GPHN: variants seen among roughly 807,000 people sequenced by gnomAD.
The protein encoded by GPHN is gephyrin.
In GPHN, 17 loss-of-function variants were observed where a neutral mutation model predicts 95.5. The observed-to-expected ratio is 0.18, with a 90% CI of 0.12 to 0.27. The LOEUF is 0.27. Among genes scored for constraint, GPHN ranks in the 10% least tolerant of loss-of-function variants. GPHN has a pLI of 1.00. For synonymous variants in GPHN, 320 were observed against 322.5 expected, an observed-to-expected ratio of 0.99 and a Z score of 0.08; for missense variants, 660 against 978.1, an observed-to-expected ratio of 0.67 and a Z score of 4.34.
At chr14:67,423,958 C>T in the GPHN span, among the ~76,000 whole-genome samples, 1 of 152,214 alleles carries the variant, frequency 6.6e-6, no homozygotes, top group African/African-American at 2.4e-5. Context: ...AGGGAGGAGG[C>T]TGGGTGCAGT....
At chr14:66,619,993 C>T (rs1029831385) in intron 1 of GPHN, among the ~76,000 whole-genome samples, 1 of 152,034 alleles carries the variant, frequency 6.6e-6, no homozygotes, top group Non-Finnish European at 1.5e-5. Flanking sequence ...AGGATTTGAT[C>T]GCCAGTGTTT....
At chr14:67,695,515 G>A in the GPHN span, 29 of 1,019,150 alleles carry the variant, frequency 2.8e-5, no homozygotes, top group Non-Finnish European at 4.1e-5. Flanking sequence ...TCTGGGCTCC[G>A]CCATCTTGGA....
intron 11 of GPHN, among the ~76,000 whole-genome samples, chr14:67,077,110 C>G (rs1288029929): frequency 6.6e-6 from 1 of 152,150 alleles, no homozygotes; most frequent in Non-Finnish European, 1.5e-5. Flanking sequence ...TAGACAGTCA[C>G]TGACTTGTGA....
intron 1 of GPHN, among the ~76,000 whole-genome samples, chr14:66,579,202 A>C (rs1471395349): frequency 6.6e-6 from 1 of 151,846 alleles, no homozygotes; most frequent in African/African-American, 2.4e-5. Context: ...GCTACAGTAG[A>C]TACATAGGAG....
chr14:67,300,241 A>G, the GPHN span, among the ~76,000 whole-genome samples: 3 of 152,120 alleles, frequency 2.0e-5, no homozygotes, highest in African/African-American at 7.2e-5. Context: ...TCCCAAAATT[A>G]TCATCTCTTG....
the GPHN span, among the ~76,000 whole-genome samples, chr14:67,359,359 A>G: frequency 3.9e-5 from 6 of 152,196 alleles, no homozygotes; most frequent in African/African-American, 1.4e-4. Context: ...TGCCCGGCTC[A>G]ATAAGGGTAT....
At chr14:66,700,650 A>G (rs72726500) in intron 2 of GPHN, among the ~76,000 whole-genome samples, 8,918 of 152,208 alleles carry the variant, frequency 0.059, 359 homozygotes, top group Middle Eastern at 0.099. Context: ...TTATGACCGG[A>G]TGCAGTGGCT....
rs1054977618 is a variant in GPHN, at chr14:66,508,175, G to T, written c.-353G>T. On this transcript the variant is annotated 5_prime_UTR_variant, in exon 1 of 23. Coordinates refer to ENST00000478722, the MANE Select transcript of GPHN (RefSeq NM_020806.5). ...TTCCTCTCAGTCCTGCCATCTAGCT[G>T]CCTTGGGTCTCGCGCTCCGCAGAGC... 2.1e-6 allele frequency: 1 copy of T among 480,038 alleles called. No individual in the cohort carries two copies. Among genetic ancestry groups the T allele is most frequent in the East Asian group, 3.8e-5 (1 of 26,176 alleles). The allele number at this position is 480,038 out of a possible 1,614,324, so 29.7% of individuals were successfully genotyped here.
chr14:67,093,748 C>G (rs1706371166), intron 12 of GPHN, among the ~76,000 whole-genome samples: 1 of 152,020 alleles, frequency 6.6e-6, no homozygotes, highest in African/African-American at 2.4e-5. Flanking sequence ...GAAAAGGTAG[C>G]CAGTTTAAAA....
In GPHN at chr14:66,621,467, C is replaced by T. The variant is rs545602426; in HGVS notation, c.65-59640C>T. Among the ~76,000 whole-genome samples, 89 of 150,382 alleles carry T rather than the reference C, an allele frequency of 5.9e-4. 1 individual carries two copies. Among genetic ancestry groups the T allele is most frequent in the Non-Finnish European group, 8.0e-4 (54 of 67,836 alleles). On this transcript the variant is annotated intron_variant, in intron 1 of 22. Coordinates refer to ENST00000478722, the MANE Select transcript of GPHN (RefSeq NM_020806.5). ...TGAGACAGAGTCTCCCTCTGTCGCCCAGGCTAGAGTGCAATGGCACGATCT... is the reference window on the plus strand; with the variant it reads ...TGAGACAGAGTCTCCCTCTGTCGCCTAGGCTAGAGTGCAATGGCACGATCT...
At chr14:67,390,675 A>C in the GPHN span, 3 of 1,611,534 alleles carry the variant, frequency 1.9e-6, no homozygotes, top group Admixed American at 1.7e-5. Flanking sequence ...TGGAAGGGTC[A>C]TAGTAATGCA....
intron 21 of GPHN, 131 bp from the exon 22 acceptor site, chr14:67,179,447 G>A (rs2083204260): frequency 4.3e-6 from 3 of 692,880 alleles, no homozygotes; most frequent in African/African-American, 3.5e-5. Context: ...TAAGGTGGTA[G>A]TGACAGCAAC....
chr14:67,440,767 C>T, the GPHN span, among the ~76,000 whole-genome samples: 1 of 147,412 alleles, frequency 6.8e-6, no homozygotes, highest in Non-Finnish European at 1.5e-5. Flanking sequence ...AAAAAAGAGA[C>T]ACTCCCAGTT....
At chr14:67,208,103 G>A in the GPHN span, 199 of 1,511,680 alleles carry the variant, frequency 1.3e-4, no homozygotes, top group Middle Eastern at 1.2e-3. Context: ...GCTCAGTGAC[G>A]ATGAATGAAA....
At chr14:67,134,263 AAAGT>A (rs1288954849) in intron 17 of GPHN, among the ~76,000 whole-genome samples, 3 of 152,144 alleles carry the variant, frequency 2.0e-5, no homozygotes, top group South Asian at 4.1e-4. Context: ...GATGGCTGTT[AAAGT>A]AAGTATGTTT....
At chr14:66,712,055 G>A (rs1390798902) in intron 2 of GPHN, among the ~76,000 whole-genome samples, 1 of 152,128 alleles carries the variant, frequency 6.6e-6, no homozygotes, top group Non-Finnish European at 1.5e-5. Context: ...AAACATACAT[G>A]TGCATATGTC....
chr14:67,514,695 G>A, the GPHN span, among the ~76,000 whole-genome samples: 1 of 151,984 alleles, frequency 6.6e-6, no homozygotes, highest in Non-Finnish European at 1.5e-5. Context: ...TGCTGAGGTG[G>A]CCTCCTGGGT....
chr14:67,047,236 A>G (rs2075063997), intron 10 of GPHN, among the ~76,000 whole-genome samples: 1 of 152,090 alleles, frequency 6.6e-6, no homozygotes, highest in African/African-American at 2.4e-5. Flanking sequence ...AATTTAATCA[A>G]GAAGGACCTG....
chr14:67,584,264 T>A, the GPHN span: 1 of 781,040 alleles, frequency 1.3e-6, no homozygotes, highest in Non-Finnish European at 2.0e-6. Context: ...TCTGGCCTAG[T>A]CCAGCTTTCC....
Sources: gnomAD v4.1 joint callset for allele counts (sites outside exome capture counted in the v4.1 genomes callset) on GRCh38, gnomAD v4.1.1 for gene constraint, MANE v1.5 for transcripts, NCBI Gene and HGNC (gene_info 2026-07-23, HGNC 2026-07-21) for gene names.